FLACC1: variants seen among roughly 807,000 people sequenced by gnomAD.
FLACC1 encodes the protein flagellum associated containing coiled-coil domains 1.
Under a neutral mutation model 62.8 loss-of-function variants are expected in FLACC1, and 66 were observed. The observed-to-expected ratio is 1.05, with a 90% CI of 0.86 to 1.29. The LOEUF (loss-of-function observed/expected upper bound fraction) is 1.29. FLACC1 is among the 50% of genes most tolerant of loss of function. The pLI is 0.00. For missense variants in FLACC1, 452 were observed against 489.1 expected, an observed-to-expected ratio of 0.92 and a Z score of 0.71; for synonymous variants, 156 against 161.0, an observed-to-expected ratio of 0.97 and a Z score of 0.24.
At chr2:201,329,612 AAAAAAGAAC>A (rs1950554719) in intron 9 of FLACC1, among the ~76,000 whole-genome samples, 1 of 152,228 alleles carries the variant, frequency 6.6e-6, no homozygotes, top group African/African-American at 2.4e-5. Context: ...ATGCAGCCAT[AAAAAAGAAC>A]AAAATCATGT....
At chr2:201,362,560 T>C in the FLACC1 span, among the ~76,000 whole-genome samples, 2 of 152,118 alleles carry the variant, frequency 1.3e-5, no homozygotes, top group African/African-American at 4.8e-5. Flanking sequence ...CCCTAGTACA[T>C]GGGAGAGGCA....
chr2:201,303,399 A>C (rs894505965), intron 11 of FLACC1, among the ~76,000 whole-genome samples: 2 of 152,216 alleles, frequency 1.3e-5, no homozygotes, highest in African/African-American at 2.4e-5. Context: ...GAATCCGTGA[A>C]TAGACCAATA....
intron 9 of FLACC1, among the ~76,000 whole-genome samples, chr2:201,310,079 C>G (rs575223118): frequency 6.6e-6 from 1 of 151,960 alleles, no homozygotes; most frequent in Admixed American, 6.6e-5. Context: ...TGTTGCTTGG[C>G]TCAGATTTCA....
At chr2:201,300,902 C>G (rs1389931739) in intron 11 of FLACC1, among the ~76,000 whole-genome samples, 2 of 152,072 alleles carry the variant, frequency 1.3e-5, no homozygotes, top group African/African-American at 2.4e-5. Context: ...GAAAGGACAT[C>G]CACACCAAAA....
At chr2:201,297,241 A>T (rs1002056307) in intron 12 of FLACC1, among the ~76,000 whole-genome samples, 1 of 152,154 alleles carries the variant, frequency 6.6e-6, no homozygotes, top group African/African-American at 2.4e-5. Context: ...ACAAGCCTGG[A>T]GCTCAGGAGA....
intron 9 of FLACC1, among the ~76,000 whole-genome samples, chr2:201,324,553 T>C (rs547256549): frequency 9.9e-4 from 150 of 152,210 alleles, no homozygotes; most frequent in Non-Finnish European, 1.3e-3. Flanking sequence ...CTGTAGAATG[T>C]ATGTTCTTCT....
intron 9 of FLACC1, among the ~76,000 whole-genome samples, chr2:201,316,083 A>C (rs773541312): frequency 4.6e-5 from 7 of 152,144 alleles, no homozygotes; most frequent in Non-Finnish European, 1.0e-4. Context: ...TAAAAGCCCT[A>C]AACACTTATA....
chr2:201,347,650 AG>A lies in FLACC1; in HGVS notation c.234+603del, dbSNP rs772937778. Reference sequence around the variant, plus strand: ...AAAACTAAAAAACAAAACAAAAAAAAGAAAGAAAAGAAACTAGATAAACACA... The same window carrying A: ...AAAACTAAAAAACAAAACAAAAAAAAAAAGAAAAGAAACTAGATAAACACA... On this transcript the variant is annotated intron_variant, in intron 4 of 14. Transcript: ENST00000392257. Among the ~76,000 whole-genome samples, 53 of 148,828 alleles carry A rather than the reference AG, an allele frequency of 3.6e-4. No individual in the cohort carries two copies. The East Asian group carries it at 5.6e-3, about 16-fold the overall frequency.
At chr2:201,307,727 G>A in intron 10 of FLACC1, 105 bp from the exon 11 acceptor site, 2 of 866,508 alleles carry the variant, frequency 2.3e-6, no homozygotes, top group Non-Finnish European at 3.8e-6. Flanking sequence ...GACTGTGTCA[G>A]ACTCAAGGTC....
At chr2:201,293,834 G>A (rs1342939354) in intron 12 of FLACC1, among the ~76,000 whole-genome samples, 1 of 148,722 alleles carries the variant, frequency 6.7e-6, no homozygotes, top group African/African-American at 2.4e-5. Flanking sequence ...AAACGATAAA[G>A]GGGATATCAC....
chr2:201,298,495 A>G (rs1228927006), intron 12 of FLACC1, among the ~76,000 whole-genome samples: 1 of 152,228 alleles, frequency 6.6e-6, no homozygotes, highest in Non-Finnish European at 1.5e-5. Context: ...CAGACATGAC[A>G]CAAATGACAG....
In FLACC1 at chr2:201,324,119, T is replaced by G. The variant is rs188503802; in HGVS notation, c.675+6351A>C. 3.4e-3 allele frequency among the ~76,000 whole-genome samples: 518 copies of G among 152,192 alleles called. 1 individual carries two copies. Among genetic ancestry groups the G allele is most frequent in the Non-Finnish European group, 5.3e-3 (357 of 67,998 alleles). On this transcript the variant is annotated intron_variant, in intron 9 of 14. Transcript: ENST00000392257. ...ATCTGCTGTCTTCAAGAGACTCACC[T>G]AACATGAAAGGATTCAAATAAACTC...
chr2:201,342,076 T>C (rs1028636889), intron 7 of FLACC1, among the ~76,000 whole-genome samples: 4 of 152,158 alleles, frequency 2.6e-5, no homozygotes, highest in Non-Finnish European at 5.9e-5. Flanking sequence ...AGAAATCTCA[T>C]AGAGAACAAA....
At chr2:201,292,948 G>A (rs1949771693) in intron 12 of FLACC1, among the ~76,000 whole-genome samples, 1 of 152,138 alleles carries the variant, frequency 6.6e-6, no homozygotes, top group Non-Finnish European at 1.5e-5. Context: ...ATGGTAAAGG[G>A]ATTAATTCAA....
intron 5 of FLACC1, among the ~76,000 whole-genome samples, chr2:201,344,950 G>T (rs942264784): frequency 6.6e-6 from 1 of 152,182 alleles, no homozygotes; most frequent in Non-Finnish European, 1.5e-5. Context: ...CAAGAGAGGA[G>T]ATACAGGAGG....
chr2:201,352,734 C>T (rs1951050989), intron 1 of FLACC1, among the ~76,000 whole-genome samples: 1 of 152,206 alleles, frequency 6.6e-6, no homozygotes, highest in South Asian at 2.1e-4. Flanking sequence ...AATACTGTCC[C>T]TTTCCCTATA....
intron 11 of FLACC1, 107 bp downstream of exon 11, chr2:201,307,412 T>A: frequency 1.2e-6 from 1 of 804,120 alleles, no homozygotes; most frequent in Non-Finnish European, 2.1e-6. Flanking sequence ...AGGAGGATTA[T>A]GCCCAGAAAG....
At chr2:201,312,661 C>A in intron 9 of FLACC1, among the ~76,000 whole-genome samples, 1 of 152,180 alleles carries the variant, frequency 6.6e-6, no homozygotes, top group African/African-American at 2.4e-5. Context: ...CATTACCTGA[C>A]TTCAAAATAT....
intron 7 of FLACC1, among the ~76,000 whole-genome samples, chr2:201,337,143 T>C (rs529002407): frequency 6.6e-6 from 1 of 152,298 alleles, no homozygotes; most frequent in East Asian, 1.9e-4. Flanking sequence ...TAGTTTAATA[T>C]AGTCTCATTT....
Sources: gnomAD v4.1 joint callset for allele counts (sites outside exome capture counted in the v4.1 genomes callset) on GRCh38, gnomAD v4.1.1 for gene constraint, MANE v1.5 for transcripts, NCBI Gene and HGNC (gene_info 2026-07-23, HGNC 2026-07-21) for gene names.